EEIG1: variants seen among roughly 807,000 people sequenced by gnomAD.
The protein encoded by EEIG1 is estrogen-induced osteoclastogenesis regulator 1.
At chr9:127,948,212 C>T in the EEIG1 span, 1 of 1,613,932 alleles carries the variant, frequency 6.2e-7, no homozygotes, top group Non-Finnish European at 8.5e-7. Flanking sequence ...ATGGACTTGG[C>T]AGTCGATGGT....
At chr9:127,943,146 G>A in the EEIG1 span, 1 of 1,588,324 alleles carries the variant, frequency 6.3e-7, no homozygotes, top group South Asian at 1.1e-5. Context: ...TACAGGTCTG[G>A]ACTCCAGAGA....
chr9:127,970,086 G>C, the EEIG1 span, among the ~76,000 whole-genome samples: 3 of 152,232 alleles, frequency 2.0e-5, no homozygotes, highest in Admixed American at 2.0e-4. Flanking sequence ...GCATCAGAAA[G>C]GTTTTTGAAC....
At chr9:127,945,734 G>C in the EEIG1 span, 1 of 1,573,508 alleles carries the variant, frequency 6.4e-7, no homozygotes, top group Non-Finnish European at 8.6e-7. This position sits in a 1 kb window ranked among gnomAD's most constrained non-coding sequence, Gnocchi z 6.5. Flanking sequence ...ACAGGTTCTG[G>C]TCGGGTTCCT....
the EEIG1 span, among the ~76,000 whole-genome samples, chr9:127,951,055 T>A: frequency 6.6e-6 from 1 of 151,896 alleles, no homozygotes; most frequent in Non-Finnish European, 1.5e-5. Context: ...CTGGGCAGAG[T>A]TCAGGGTCTG....
At chr9:127,966,660 G>A in the EEIG1 span, among the ~76,000 whole-genome samples, 1 of 152,224 alleles carries the variant, frequency 6.6e-6, no homozygotes, top group African/African-American at 2.4e-5. Flanking sequence ...GGCCATTGAA[G>A]GGACCCAAAG....
At chr9:127,944,574 G>A in the EEIG1 span, 2 of 1,310,214 alleles carry the variant, frequency 1.5e-6, no homozygotes, top group Non-Finnish European at 2.2e-6. Flanking sequence ...TCACCCCCAA[G>A]CCCCAGCCGC....
chr9:127,945,229 T>C, the EEIG1 span: 2 of 744,998 alleles, frequency 2.7e-6, no homozygotes, highest in African/African-American at 1.8e-5. The surrounding 1 kb of genome is among the most constrained non-coding windows in gnomAD (Gnocchi z 6.5). Flanking sequence ...TTCAGGGCCA[T>C]CAGCTAGTGG....
the EEIG1 span, chr9:127,953,464 A>C: frequency 1.2e-6 from 1 of 868,572 alleles, no homozygotes; most frequent in African/African-American, 1.7e-5. Flanking sequence ...CATCTCAGGT[A>C]GGGCTGAGTG....
At chr9:127,948,521 A>C in the EEIG1 span, 1 of 1,076,332 alleles carries the variant, frequency 9.3e-7, no homozygotes, top group Non-Finnish European at 1.4e-6. Flanking sequence ...TTGGATTCCA[A>C]TCCTGTCTCT....
At chr9:127,980,162 C>A in the EEIG1 span, 1 of 1,601,334 alleles carries the variant, frequency 6.2e-7, no homozygotes. Flanking sequence ...AGTCTGAAGC[C>A]CCGAAGGCGA....
chr9:127,944,676 G>C, the EEIG1 span: 1 of 1,612,992 alleles, frequency 6.2e-7, no homozygotes, highest in Non-Finnish European at 8.5e-7. Context: ...AACAGCCGGA[G>C]GTTGCTGTCT....
chr9:127,974,296 C>T, the EEIG1 span, among the ~76,000 whole-genome samples: 1 of 152,194 alleles, frequency 6.6e-6, no homozygotes, highest in Non-Finnish European at 1.5e-5. Context: ...GGCCACGTGG[C>T]TCCACTGCCC....
chr9:127,944,992 G>A, the EEIG1 span: 5 of 1,455,398 alleles, frequency 3.4e-6, no homozygotes, highest in African/African-American at 1.4e-5. Flanking sequence ...AGCCGCAGCG[G>A]CGCTCAGAAT....
the EEIG1 span, among the ~76,000 whole-genome samples, chr9:127,978,382 G>A: frequency 2.0e-5 from 3 of 152,066 alleles, no homozygotes; most frequent in African/African-American, 4.8e-5. Flanking sequence ...CCTATAACAC[G>A]CACACATGGG....
At chr9:127,972,724 A>C in the EEIG1 span, 2 of 152,302 alleles carry the variant, frequency 1.3e-5, no homozygotes, top group African/African-American at 4.8e-5. The surrounding 1 kb of genome is among the most constrained non-coding windows in gnomAD (Gnocchi z 4.3). Context: ...CAGCCACCCA[A>C]ATCAGCTGGC....
chr9:127,969,434 C>T, the EEIG1 span, among the ~76,000 whole-genome samples: 1 of 152,188 alleles, frequency 6.6e-6, no homozygotes, highest in Non-Finnish European at 1.5e-5. Flanking sequence ...CAATAACTGC[C>T]CTGGATGAAT....
the EEIG1 span, among the ~76,000 whole-genome samples, chr9:127,957,761 G>A: frequency 6.6e-6 from 1 of 152,198 alleles, no homozygotes; most frequent in African/African-American, 2.4e-5. Flanking sequence ...AGACACAAAT[G>A]GAATACAACT....
chr9:127,946,823 C>A, the EEIG1 span, among the ~76,000 whole-genome samples: 6 of 152,212 alleles, frequency 3.9e-5, no homozygotes, highest in African/African-American at 1.4e-4. Flanking sequence ...GAGGCAGAAT[C>A]ACTCGGCAAG....
the EEIG1 span, among the ~76,000 whole-genome samples, chr9:127,950,212 T>C: frequency 0.88 from 134,392 of 152,250 alleles, 60,161 homozygotes; most frequent in Non-Finnish European, 0.97. Context: ...GGGCCCCCTC[T>C]CTGAACTTGA....
Sources: allele counts gnomAD v4.1 joint callset (sites outside exome capture counted in the v4.1 genomes callset), GRCh38; gene constraint gnomAD v4.1.1; non-coding constraint Gnocchi (gnomAD v3.1); transcripts MANE v1.5; gene names NCBI Gene and HGNC (gene_info 2026-07-23, HGNC 2026-07-21).